OSCP1: variants seen among roughly 807,000 people sequenced by gnomAD.
OSCP1 encodes protein OSCP1.
OSCP1 carries 35 observed loss-of-function variants against 45.1 expected under a neutral mutation model. That is an observed-to-expected ratio of 0.78 (90% CI 0.59 to 1.03). The LOEUF (loss-of-function observed/expected upper bound fraction) is 1.03, where lower values mean the gene tolerates loss of function less well. OSCP1 is among the 50% of genes least tolerant of loss of function. OSCP1 has a pLI of 0.00. For synonymous variants in OSCP1, 179 were observed against 180.1 expected (o/e 0.99, Z 0.05); for missense variants, 400 against 470.7 (o/e 0.85, Z 1.39).
In OSCP1 at chr1:36,439,123, A is replaced by G. The variant is rs1570538354; in HGVS notation, c.113-213T>C. 7 of 441,932 alleles carry G rather than the reference A, an allele frequency of 1.6e-5. No homozygotes were observed. In the East Asian group the frequency reaches 2.4e-4, roughly 15 times the overall value. 27.4% of individuals were successfully genotyped at this position (441,932 alleles called of 1,614,324 possible). A position where few individuals can be genotyped will look rare whatever the true frequency, so the allele number is the denominator to read the frequency against. ...TTTATGACACCATTTCAGGGAAGAC[A>G]TAAATGAAGACAAGGCACTAATGTG... On this transcript the variant is annotated intron_variant, in intron 1 of 9. Coordinates refer to ENST00000235532, the MANE Select transcript of OSCP1 (RefSeq NM_145047.5).
chr1:36,428,299 T>C (rs1370064658), intron 4 of OSCP1: 2 of 1,608,722 alleles, frequency 1.2e-6, no homozygotes, highest in Admixed American at 3.4e-5. Context: ...ATACATTGCA[T>C]TTCTTCCCCT....
At chr1:36,450,172 C>T in intron 1 of OSCP1, 86 bp downstream of exon 1, 7 of 1,049,496 alleles carry the variant, frequency 6.7e-6, no homozygotes, top group Non-Finnish European at 1.0e-5. Context: ...TGTAGGGGTG[C>T]GGGTCTGGCT....
intron 1 of OSCP1, among the ~76,000 whole-genome samples, chr1:36,445,632 G>C (rs16823001): frequency 0.1 from 15,645 of 152,222 alleles, 956 homozygotes; most frequent in East Asian, 0.29. Context: ...GAAAATATTG[G>C]GAAAGCAGCA....
chr1:36,418,999 C>T lies in OSCP1; in HGVS notation c.1015G>A (p.Ala339Thr). ...TTATCCCCTGTACGTACCTGGGTGG[C>T]TTGTATGTTGATAACTTCATAGGAT... The part of the protein sequence containing the change: ...ELSYEVINIQ[A>T]TQDQQRSEEL... Residue 339 changes from alanine to threonine, a missense_variant, in exon 9 of 10, where the codon GCC (alanine) becomes ACC (threonine). Transcript: ENST00000235532. 6.2e-7 allele frequency: 1 copy of T among 1,607,540 alleles called. No homozygotes were observed. The highest frequency in any genetic ancestry group is 8.5e-7 in the Non-Finnish European group (1 of 1,174,412).
At chr1:36,440,395 A>C (rs892631062) in intron 1 of OSCP1, among the ~76,000 whole-genome samples, 4 of 152,162 alleles carry the variant, frequency 2.6e-5, no homozygotes, top group African/African-American at 9.7e-5. Context: ...CCCAACACAC[A>C]CACCCCCGGT....
chr1:36,449,333 T>C (rs1240862313), intron 1 of OSCP1, among the ~76,000 whole-genome samples: 1 of 152,168 alleles, frequency 6.6e-6, no homozygotes, highest in Non-Finnish European at 1.5e-5. Flanking sequence ...GTGGTGTCCA[T>C]GGGAGGCAGA....
chr1:36,432,714 G>T, intron 2 of OSCP1, 125 bp from the exon 3 acceptor site: 1 of 1,085,892 alleles, frequency 9.2e-7, no homozygotes. Flanking sequence ...CAGCTCGGGG[G>T]ACCATATCAC....
intron 2 of OSCP1, among the ~76,000 whole-genome samples, chr1:36,434,869 A>G (rs1319797225): frequency 1.3e-5 from 2 of 151,926 alleles, no homozygotes; most frequent in African/African-American, 4.8e-5. Context: ...AGACTCTGCC[A>G]TCATTGTCAA....
At chr1:36,418,474 CT>C in intron 9 of OSCP1, 1 of 591,918 alleles carries the variant, frequency 1.7e-6, no homozygotes, top group African/African-American at 1.9e-5. Flanking sequence ...GCATCCCTGG[CT>C]GCTACAGAAT....
intron 4 of OSCP1, among the ~76,000 whole-genome samples, chr1:36,426,911 G>A (rs1647996872): frequency 6.6e-6 from 1 of 151,974 alleles, no homozygotes; most frequent in Admixed American, 6.6e-5. Flanking sequence ...TCACCATGTT[G>A]GCCAGGCTGG....
chr1:36,442,226 C>CAAAAAAAAG (rs1649241565), intron 1 of OSCP1, among the ~76,000 whole-genome samples: 1 of 113,934 alleles, frequency 8.8e-6, no homozygotes. Context: ...AACTCCGTCT[C>CAAAAAAAAG]AAAAAAAAAA....
At chr1:36,426,746 C>T (rs1647984892) in intron 4 of OSCP1, among the ~76,000 whole-genome samples, 1 of 152,194 alleles carries the variant, frequency 6.6e-6, no homozygotes, top group Non-Finnish European at 1.5e-5. Context: ...TGCTCTGTAG[C>T]CCAGGCTGTA....
In OSCP1 at chr1:36,432,399, C is replaced by T. The variant is rs186246988; in HGVS notation, c.435+23G>A. On this transcript the variant is annotated intron_variant, in intron 3 of 9. Coordinates refer to ENST00000235532, the MANE Select transcript of OSCP1 (RefSeq NM_145047.5). ...GAGAAAAAGTACTGGGGCTGAGAGG[C>T]GAGACACTGATGGCACTCTTACTTC... 620 of 1,611,268 alleles carry T rather than the reference C, an allele frequency of 3.8e-4. 1 individual carries two copies. Among genetic ancestry groups the T allele is most frequent in the Non-Finnish European group, 4.5e-4 (530 of 1,178,382 alleles).
At chr1:36,428,878 G>A (rs1557552479) in intron 4 of OSCP1, among the ~76,000 whole-genome samples, 1 of 152,176 alleles carries the variant, frequency 6.6e-6, no homozygotes, top group Non-Finnish European at 1.5e-5. Context: ...CCGGGAGGTG[G>A]AGGTTGCAGT....
At chr1:36,419,247 T>G in intron 8 of OSCP1, 193 bp from the exon 9 acceptor site, 1 of 590,576 alleles carries the variant, frequency 1.7e-6, no homozygotes, top group South Asian at 2.1e-5. Context: ...TCTGTGACTT[T>G]GCACATTATA....
At position 36,431,862 on chromosome 1, in the gene OSCP1, T is replaced by C; in HGVS notation, c.456A>G (p.Ala152=). ...QLTEIYGGLS[A]GEFQLIRQTL... Reference sequence around the variant, plus strand: ...TCTGCCGGATCAGCTGGAACTCCCCTGCAGAGAGACCACCATATATCTGCC... The same window carrying C: ...TCTGCCGGATCAGCTGGAACTCCCCCGCAGAGAGACCACCATATATCTGCC... Residue 152 remains alanine, a synonymous_variant, in exon 4 of 10, where the codon GCA becomes GCG. Coordinates refer to ENST00000235532, the MANE Select transcript of OSCP1 (RefSeq NM_145047.5). The C allele has an allele frequency of 1.2e-6, 2 of 1,613,388 alleles. No individual in the cohort carries two copies. The highest frequency in any genetic ancestry group is 1.1e-5 in the South Asian group (1 of 91,068).
chr1:36,440,652 C>T (rs1027174007), intron 1 of OSCP1, among the ~76,000 whole-genome samples: 1 of 152,162 alleles, frequency 6.6e-6, no homozygotes, highest in Admixed American at 6.6e-5. Flanking sequence ...TGCCTGACCA[C>T]CTCCATTGCA....
At chr1:36,450,229 T>G (rs1392713732) in intron 1 of OSCP1, 29 bp downstream of exon 1, 1 of 1,578,092 alleles carries the variant, frequency 6.3e-7, no homozygotes. Context: ...TGGCTGCGGG[T>G]CTGGCTGAGC....
chr1:36,434,086 G>A (rs1190587154), intron 2 of OSCP1, among the ~76,000 whole-genome samples: 1 of 152,116 alleles, frequency 6.6e-6, no homozygotes, highest in African/African-American at 2.4e-5. Context: ...GAGGGATGAT[G>A]CTATTGATGG....
Sources: gnomAD v4.1 joint callset for allele counts (sites outside exome capture counted in the v4.1 genomes callset) on GRCh38, gnomAD v4.1.1 for gene constraint, MANE v1.5 for transcripts, NCBI Gene and HGNC (gene_info 2026-07-23, HGNC 2026-07-21) for gene names.